OLFML2A: variants seen among roughly 807,000 people sequenced by gnomAD.
OLFML2A encodes the protein olfactomedin like 2A, also known as olfactomedin-like protein 2A.
Under a neutral mutation model 60.9 loss-of-function variants are expected in OLFML2A, and 47 were observed. That is an observed-to-expected ratio of 0.77 (90% CI 0.61 to 0.98). The LOEUF (loss-of-function observed/expected upper bound fraction) is 0.98, where lower values mean the gene tolerates loss of function less well. OLFML2A is among the 50% of genes least tolerant of loss of function. The probability of loss-of-function intolerance (pLI) is 0.00; values close to 1 mark genes in which losing one functional copy is unlikely to be tolerated. For synonymous variants in OLFML2A, 372 were observed against 375.0 expected, an observed-to-expected ratio of 0.99 and a Z score of 0.09; for missense variants, 922 against 879.8, an observed-to-expected ratio of 1.05 and a Z score of -0.61.
chr9:124,794,092 G>A (rs953051388), intron 2 of OLFML2A, among the ~76,000 whole-genome samples: 7 of 152,190 alleles, frequency 4.6e-5, no homozygotes, highest in African/African-American at 1.7e-4. Context: ...AGTGGGAGAC[G>A]CAGGGTGGGG....
chr9:124,812,483 T>C lies in OLFML2A; in HGVS notation c.*2071T>C, dbSNP rs1363893578. 1 of 152,218 alleles carries C rather than the reference T, an allele frequency of 6.6e-6. No homozygotes were observed. The highest frequency in any genetic ancestry group is 1.5e-5 in the Non-Finnish European group (1 of 68,076). The allele number at this position is 152,218 out of a possible 1,614,324, so 9.4% of individuals were successfully genotyped here. ...GCCAGCAAATGCTTTTTGTGCAGAA[T>C]ACACTTCTTTCAGGCATTGTCAGGT... On this transcript the variant is annotated 3_prime_UTR_variant, in exon 8 of 8. Coordinates refer to ENST00000373580, the MANE Select transcript of OLFML2A (RefSeq NM_182487.4).
Position 124,809,990 on chromosome 9 carries a change from TG to T in OLFML2A, c.1539del (p.Trp513Ter), listed in dbSNP as rs1281070512. Reference sequence around the variant, plus strand: ...CGTGGTATATGAGGACACCACACCTTGGAAGTGGCGCGGACACTCGGACATT... The same window carrying T: ...CGTGGTATATGAGGACACCACACCTTGAAGTGGCGCGGACACTCGGACATT... ...PDVVYEDTTP[W>X]KWRGHSDIDF... On this transcript the variant is annotated frameshift_variant, in exon 8 of 8. Transcript: ENST00000373580. LOFTEE classifies it high-confidence loss of function. 4 of 1,614,066 alleles carry T rather than the reference TG, an allele frequency of 2.5e-6. No individual in the cohort carries two copies. In the South Asian group the frequency reaches 4.4e-5, roughly 18 times the overall value.
rs1033688065 is a variant in OLFML2A at position 124,813,276 on chromosome 9, T to C, written c.*2864T>C. The C allele has an allele frequency of 1.3e-5, 2 of 152,244 alleles. No individual in the cohort carries two copies. The highest frequency in any genetic ancestry group is 2.4e-5 in the African/African-American group (1 of 41,448). The allele number at this position is 152,244 out of a possible 1,614,324, so 9.4% of individuals were successfully genotyped here. On this transcript the variant is annotated 3_prime_UTR_variant, in exon 8 of 8. Coordinates refer to ENST00000373580, the MANE Select transcript of OLFML2A (RefSeq NM_182487.4). ...TTTCTTCATTTTACATATGGTCACA[T>C]TGGCGCCTAGAACAGTTAGGTCGCT...
In OLFML2A at chr9:124,814,096, G is replaced by T. The variant is rs939483481; in HGVS notation, c.*3684G>T. The stretch of plus-strand genomic sequence containing the variant: ...AGATGTCCAGGCCTTACATTTAATC[G>T]GCTTTCTCTGCGGTGGGGTAGAGAA... On this transcript the variant is annotated 3_prime_UTR_variant, in exon 8 of 8. Coordinates refer to ENST00000373580, the MANE Select transcript of OLFML2A (RefSeq NM_182487.4). 1.3e-5 allele frequency: 2 copies of T among 152,298 alleles called. No individual in the cohort carries two copies. Among genetic ancestry groups the T allele is most frequent in the Middle Eastern group, 3.4e-3 (1 of 294 alleles). The allele number at this position is 152,298 out of a possible 1,614,324, so 9.4% of individuals were successfully genotyped here. A position where few individuals can be genotyped will look rare whatever the true frequency, so the allele number is the denominator to read the frequency against.
chr9:124,777,503 A>G lies in OLFML2A; in HGVS notation c.90+143A>G. 1 of 923,096 alleles carries G rather than the reference A, an allele frequency of 1.1e-6. No homozygotes were observed. Among genetic ancestry groups the G allele is most frequent in the Non-Finnish European group, 1.4e-6 (1 of 713,618 alleles). 57.2% of individuals were successfully genotyped at this position (923,096 alleles called of 1,614,324 possible). A position where few individuals can be genotyped will look rare whatever the true frequency, so the allele number is the denominator to read the frequency against. ...GAGACCGAACCTGGGACTTCTCAGC[A>G]CTGAAGCCGCAGGGGCAGGGGCCCC... On this transcript the variant is annotated intron_variant, in intron 1 of 7. Coordinates refer to ENST00000373580, the MANE Select transcript of OLFML2A (RefSeq NM_182487.4). This position sits in a 1 kb window ranked among gnomAD's most constrained non-coding sequence, Gnocchi z 6.2.
At chr9:124,786,461 C>T (rs1051535545) in intron 1 of OLFML2A, among the ~76,000 whole-genome samples, 1 of 151,902 alleles carries the variant, frequency 6.6e-6, no homozygotes, top group East Asian at 1.9e-4. Context: ...TGGCTCACAC[C>T]TGTAATCCCA....
chr9:124,802,640 G>A (rs896995594), intron 5 of OLFML2A, among the ~76,000 whole-genome samples: 4 of 152,244 alleles, frequency 2.6e-5, no homozygotes, highest in African/African-American at 9.6e-5. Flanking sequence ...CAAGGCCTGT[G>A]GGAACAGGCA....
intron 2 of OLFML2A, among the ~76,000 whole-genome samples, chr9:124,788,059 G>T (rs1041306963): frequency 6.6e-6 from 1 of 151,924 alleles, no homozygotes; most frequent in Non-Finnish European, 1.5e-5. Flanking sequence ...TCAGCACTTT[G>T]GGAGGCTGAG....
chr9:124,791,632 G>A (rs868414949), intron 2 of OLFML2A, among the ~76,000 whole-genome samples: 1 of 151,698 alleles, frequency 6.6e-6, no homozygotes, highest in South Asian at 2.1e-4. Context: ...CAGCTACTTG[G>A]GAGGCTGGGG....
Position 124,810,394 on chromosome 9 carries a change from C to T in OLFML2A, c.1941C>T (p.Thr647=). 1.3e-6 allele frequency: 2 copies of T among 1,597,628 alleles called. No individual in the cohort carries two copies. Among genetic ancestry groups the T allele is most frequent in the Non-Finnish European group, 1.7e-6 (2 of 1,177,842 alleles). The change falls in exon 8 of 8, where the codon ACC becomes ACT. Residue 647 remains threonine (T), a synonymous_variant. Transcript: ENST00000373580. The stretch of plus-strand genomic sequence containing the variant: ...ACAATGGCCACCAGCTCACCTACAC[C>T]CTCCACTTCGTGGTCTGAGTGGAGA... ...AWDNGHQLTY[T]LHFVV
intron 6 of OLFML2A, among the ~76,000 whole-genome samples, chr9:124,805,812 T>G (rs996563331): frequency 8.7e-5 from 11 of 126,214 alleles, no homozygotes; most frequent in Non-Finnish European, 3.3e-5. Context: ...TTTTTGGTTT[T>G]TTTTTTTTTT....
At chr9:124,787,542 A>G (rs996485554) in intron 2 of OLFML2A, among the ~76,000 whole-genome samples, 2 of 149,208 alleles carry the variant, frequency 1.3e-5, no homozygotes, top group African/African-American at 4.9e-5. Flanking sequence ...ATTTTATTTT[A>G]TTTTATTTTA....
Position 124,804,218 on chromosome 9 carries a change from G to A in OLFML2A, c.1044G>A (p.Val348=), listed in dbSNP as rs1488787045. ...DEAEPRSSER[V]DLASGTPTSI... The stretch of plus-strand genomic sequence containing the variant: ...CTGAGCCCAGGTCCTCCGAGCGAGT[G>A]GACCTGGCTTCTGGCACCCCCACTT... The change falls in exon 6 of 8, where the codon GTG becomes GTA. Residue 348 remains valine, a synonymous_variant. Transcript: ENST00000373580. The A allele has an allele frequency of 2.1e-5, 34 of 1,613,814 alleles. No homozygotes were observed. The highest frequency in any genetic ancestry group is 3.3e-4 in the Middle Eastern group (2 of 6,056).
In OLFML2A at chr9:124,801,278, T is replaced by C. The variant is rs545266968; in HGVS notation, c.670-136T>C. The C allele has an allele frequency of 5.0e-4, 500 of 994,532 alleles. 1 individual carries two copies. The highest frequency in any genetic ancestry group is 7.0e-4 in the Non-Finnish European group (464 of 661,592). 61.6% of individuals were successfully genotyped at this position (994,532 alleles called of 1,614,324 possible). On this transcript the variant is annotated intron_variant, in intron 4 of 7. Transcript: ENST00000373580. ...CCACCATGGTGGGGTAAAGGAAAGC[T>C]GTGACTTTGTGAGTGCTTGGGACAT...
At chr9:124,804,801 C>T (rs866390200) in intron 6 of OLFML2A, among the ~76,000 whole-genome samples, 7 of 151,920 alleles carry the variant, frequency 4.6e-5, no homozygotes, top group Admixed American at 1.3e-4. Flanking sequence ...CTCCATCCCC[C>T]GGGTTCAAAC....
intron 7 of OLFML2A, 121 bp from the exon 8 acceptor site, chr9:124,809,687 C>T (rs749040165): frequency 2.1e-5 from 24 of 1,154,992 alleles, no homozygotes; most frequent in Non-Finnish European, 2.6e-5. Context: ...GCTCCAGGCA[C>T]ACTGCACATG....
intron 2 of OLFML2A, among the ~76,000 whole-genome samples, chr9:124,794,702 A>G (rs1209913476): frequency 2.0e-5 from 3 of 151,712 alleles, no homozygotes; most frequent in Non-Finnish European, 4.4e-5. Flanking sequence ...GCTCACTGCA[A>G]CCCCCACCTT....
At chr9:124,780,287 T>C (rs886599395) in intron 1 of OLFML2A, among the ~76,000 whole-genome samples, 2 of 152,180 alleles carry the variant, frequency 1.3e-5, no homozygotes, top group African/African-American at 4.8e-5. Flanking sequence ...ACTGAGAATT[T>C]TCCATCTCTA....
At position 124,804,309 on chromosome 9, in the gene OLFML2A, G is replaced by T. The variant is rs189096402; in HGVS notation, c.1135G>T (p.Glu379Ter). 1.0e-5 allele frequency: 10 copies of T among 999,066 alleles called. No homozygotes were observed. The highest frequency in any genetic ancestry group is 1.4e-5 in the Non-Finnish European group (10 of 737,960). The allele number at this position is 999,066 out of a possible 1,614,324, so 61.9% of individuals were successfully genotyped here. A position where few individuals can be genotyped will look rare whatever the true frequency, so the allele number is the denominator to read the frequency against. ...CCCCACCACCAGTCTCCTGCCCACCGAGCCACCTTCAGGTCCAGAAGTCTC... is the reference window on the plus strand; with the variant it reads ...CCCCACCACCAGTCTCCTGCCCACCTAGCCACCTTCAGGTCCAGAAGTCTC... ...PTPTTSLLPT[E>*]PPSGPEVSSQ... The change falls in exon 6 of 8, where the codon GAG becomes TAG. Residue 379 changes from glutamate to a stop codon, truncating the protein, a stop_gained. Transcript: ENST00000373580. LOFTEE classifies it high-confidence loss of function.
Sources: allele counts gnomAD v4.1 joint callset (sites outside exome capture counted in the v4.1 genomes callset), GRCh38; gene constraint gnomAD v4.1.1; non-coding constraint Gnocchi (gnomAD v3.1); transcripts MANE v1.5; gene names NCBI Gene and HGNC (gene_info 2026-07-23, HGNC 2026-07-21).